Variants in NPFFR2 observed in about 807,000 individuals in gnomAD.
NPFFR2 encodes the protein G-protein coupled receptor 74.
A neutral mutation model predicts 13.1 loss-of-function variants in NPFFR2; 15 were observed. The ratio of observed to expected loss-of-function variants is 1.15; its 90% CI spans 0.77 to 1.76. The LOEUF is 1.76. Among genes scored for constraint, NPFFR2 ranks in the 40% most tolerant of loss-of-function variants. The probability of loss-of-function intolerance (pLI) is 0.00; values close to 1 mark genes in which losing one functional copy is unlikely to be tolerated. For synonymous variants in NPFFR2, 190 were observed against 175.7 expected (o/e 1.08, Z -0.65); for missense variants, 572 against 503.5 (o/e 1.14, Z -1.30).
chr4:72,134,531 C>A (rs1487286154), intron 2 of NPFFR2, among the ~76,000 whole-genome samples: 1 of 152,178 alleles, frequency 6.6e-6, no homozygotes, highest in Non-Finnish European at 1.5e-5. Context: ...AATCAACATA[C>A]AGAATATACA....
chr4:72,102,533 C>T (rs578079941), intron 1 of NPFFR2, among the ~76,000 whole-genome samples: 3 of 134,022 alleles, frequency 2.2e-5, no homozygotes, highest in East Asian at 2.5e-4. Flanking sequence ...CCCCTCCCCC[C>T]ACCCACAACA....
intron 1 of NPFFR2, among the ~76,000 whole-genome samples, chr4:72,092,304 A>G (rs1720935994): frequency 6.6e-6 from 1 of 152,016 alleles, no homozygotes; most frequent in South Asian, 2.1e-4. Context: ...AATAGAATGT[A>G]TATTCTGTGG....
chr4:72,130,339 G>A (rs1722198514), intron 2 of NPFFR2, among the ~76,000 whole-genome samples: 2 of 152,082 alleles, frequency 1.3e-5, no homozygotes, highest in Admixed American at 1.3e-4. Flanking sequence ...TAGAAATTTA[G>A]GCCCTCATGT....
intron 1 of NPFFR2, among the ~76,000 whole-genome samples, chr4:72,126,136 A>C (rs1030434270): frequency 6.6e-6 from 1 of 152,250 alleles, no homozygotes; most frequent in East Asian, 1.9e-4. Context: ...ATCAAGGAGC[A>C]TATGATATAC....
intron 1 of NPFFR2, among the ~76,000 whole-genome samples, chr4:72,053,901 A>G (rs1719663794): frequency 6.6e-6 from 1 of 151,926 alleles, no homozygotes; most frequent in African/African-American, 2.4e-5. Context: ...TAGTAACTGT[A>G]TGTTTTGTAT....
At chr4:72,081,490 TG>T (rs1261144980) in intron 1 of NPFFR2, among the ~76,000 whole-genome samples, 8 of 37,966 alleles carry the variant, frequency 2.1e-4, no homozygotes, top group African/African-American at 4.0e-4. Flanking sequence ...ATTTAAGAAT[TG>T]TTTTTTTTTT....
chr4:72,098,667 G>A (rs1365443816), intron 1 of NPFFR2, among the ~76,000 whole-genome samples: 2 of 152,144 alleles, frequency 1.3e-5, no homozygotes, highest in African/African-American at 2.4e-5. Flanking sequence ...CTTCATCCAA[G>A]TTGGAGGTGG....
chr4:72,051,457 A>G (rs1353163168), intron 1 of NPFFR2, among the ~76,000 whole-genome samples: 1 of 151,380 alleles, frequency 6.6e-6, no homozygotes, highest in Non-Finnish European at 1.5e-5. Flanking sequence ...GAGAGCAAAG[A>G]CACAACATAC....
chr4:72,100,407 T>C (rs1721207463), intron 1 of NPFFR2, among the ~76,000 whole-genome samples: 1 of 152,114 alleles, frequency 6.6e-6, no homozygotes, highest in Non-Finnish European at 1.5e-5. Flanking sequence ...AAAATAGGTG[T>C]TACAGTACCT....
chr4:72,046,295 A>G (rs939918055), intron 1 of NPFFR2, among the ~76,000 whole-genome samples: 4 of 152,106 alleles, frequency 2.6e-5, no homozygotes, highest in African/African-American at 4.8e-5. Flanking sequence ...CAAACTGGGG[A>G]CTTTAACAGA....
At chr4:72,097,127 A>G (rs939885875) in intron 1 of NPFFR2, among the ~76,000 whole-genome samples, 1 of 152,060 alleles carries the variant, frequency 6.6e-6, no homozygotes, top group African/African-American at 2.4e-5. Context: ...CTTACCACAT[A>G]TCTTTCTAAA....
chr4:72,120,049 G>A lies in NPFFR2; in HGVS notation c.-7-8536G>A, dbSNP rs374393593. On this transcript the variant is annotated intron_variant, in intron 1 of 3. Coordinates refer to ENST00000308744, the MANE Select transcript of NPFFR2 (RefSeq NM_004885.3). ...CACTGGCTTGAATTTCTCACTGTCA[G>A]CACAGCAGTCTGAAGTAGACCTGGG... Among the ~76,000 whole-genome samples, 6 of 152,252 alleles carry A rather than the reference G, an allele frequency of 3.9e-5. No homozygotes were observed. In the East Asian group the frequency reaches 9.7e-4, roughly 25 times the overall value.
intron 1 of NPFFR2, among the ~76,000 whole-genome samples, chr4:72,110,844 A>G (rs1023183003): frequency 6.6e-6 from 1 of 151,884 alleles, no homozygotes; most frequent in Non-Finnish European, 1.5e-5. Flanking sequence ...CCCTCCAAAA[A>G]TCCTTTAGCA....
At chr4:72,125,544 G>C (rs923134346) in intron 1 of NPFFR2, among the ~76,000 whole-genome samples, 4 of 152,162 alleles carry the variant, frequency 2.6e-5, no homozygotes, top group Admixed American at 2.0e-4. Flanking sequence ...CAGAAGTCTG[G>C]AATGGTTTCC....
intron 2 of NPFFR2, among the ~76,000 whole-genome samples, chr4:72,137,094 T>G (rs184292906): frequency 9.2e-5 from 14 of 152,262 alleles, no homozygotes; most frequent in African/African-American, 3.1e-4. Context: ...GACATTCTCT[T>G]TTAGTTTCCA....
chr4:72,103,293 A>T (rs1413204602), intron 1 of NPFFR2, among the ~76,000 whole-genome samples: 12 of 152,134 alleles, frequency 7.9e-5, no homozygotes, highest in Non-Finnish European at 1.6e-4. Context: ...CCCCAATGTG[A>T]CAGCATTGGC....
chr4:72,048,356 A>G (rs1719439037), intron 1 of NPFFR2, among the ~76,000 whole-genome samples: 1 of 152,090 alleles, frequency 6.6e-6, no homozygotes, highest in Non-Finnish European at 1.5e-5. Context: ...TTTTTGGTTT[A>G]TATTTTCTAT....
chr4:72,038,901 C>CTTTTTTTTTTTTTTTTTTTTTTTT lies in NPFFR2; in HGVS notation c.-8+6704_-8+6705insTTTTTTTTTTTTTTTTTTTTTTTT, dbSNP rs34623356. On this transcript the variant is annotated intron_variant, in intron 1 of 3. Transcript: ENST00000308744. ...TTTTAATTCTTGATTTTTAAATTTCCTTTCTTTTTTTTTTTTTTTTTTTTT... is the reference window on the plus strand; with the variant it reads ...TTTTAATTCTTGATTTTTAAATTTCCTTTTTTTTTTTTTTTTTTTTTTTTTTTCTTTTTTTTTTTTTTTTTTTTT... Among the ~76,000 whole-genome samples, 7 of 86,918 alleles carry CTTTTTTTTTTTTTTTTTTTTTTTT rather than the reference C, an allele frequency of 8.1e-5. 3 individuals are homozygous for CTTTTTTTTTTTTTTTTTTTTTTTT. Among genetic ancestry groups the CTTTTTTTTTTTTTTTTTTTTTTTT allele is most frequent in the Admixed American group, 3.4e-4 (2 of 5,828 alleles). The allele number at this position is 86,918 out of a possible 152,430, so 57.0% of individuals were successfully genotyped here.
rs549765045 is a variant in NPFFR2, at chr4:72,148,127, G to A, written c.*315G>A. On this transcript the variant is annotated 3_prime_UTR_variant, in exon 4 of 4. Coordinates refer to ENST00000308744, the MANE Select transcript of NPFFR2 (RefSeq NM_004885.3). The stretch of plus-strand genomic sequence containing the variant: ...CGTCAAATCAAGCCTGCACGCGTGC[G>A]TGCATGTGTGTGTGTATTTTCCCCA... 2.7e-4 allele frequency: 58 copies of A among 216,722 alleles called. No homozygotes were observed. Among genetic ancestry groups the A allele is most frequent in the African/African-American group, 1.2e-3 (51 of 43,694 alleles). The allele number at this position is 216,722 out of a possible 1,614,324, so 13.4% of individuals were successfully genotyped here.
Sources: gnomAD v4.1 joint callset for allele counts (sites outside exome capture counted in the v4.1 genomes callset) on GRCh38, gnomAD v4.1.1 for gene constraint, MANE v1.5 for transcripts, NCBI Gene and HGNC (gene_info 2026-07-23, HGNC 2026-07-21) for gene names.